Variants in SYTL3 observed in about 807,000 individuals in gnomAD.
SYTL3 encodes synaptotagmin-like protein 3.
Under a neutral mutation model 82.1 loss-of-function variants are expected in SYTL3, and 88 were observed. The observed-to-expected ratio is 1.07, with a 90% CI of 0.90 to 1.28. The LOEUF is 1.28. Ranked by LOEUF, SYTL3 falls within the 50% of genes most tolerant of loss-of-function variation. SYTL3 has a pLI of 0.00. For missense variants in SYTL3, 831 were observed against 757.6 expected (o/e 1.10, Z -1.14); for synonymous variants, 311 against 289.4 (o/e 1.07, Z -0.76).
intron 6 of SYTL3, among the ~76,000 whole-genome samples, chr6:158,699,176 C>T (rs569991805): frequency 3.9e-5 from 6 of 152,284 alleles, no homozygotes; most frequent in South Asian, 2.1e-4. Context: ...CAGCCAGCTA[C>T]GAGCAACACG....
chr6:158,738,789 C>T (rs1280773133), intron 11 of SYTL3, among the ~76,000 whole-genome samples: 1 of 152,200 alleles, frequency 6.6e-6, no homozygotes, highest in Admixed American at 6.5e-5. Context: ...TACCAAGTAG[C>T]TGAGATGACA....
chr6:158,746,122 C>T (rs750086490), intron 12 of SYTL3, among the ~76,000 whole-genome samples: 69 of 152,116 alleles, frequency 4.5e-4, no homozygotes, highest in Non-Finnish European at 8.1e-4. Flanking sequence ...CAGCTCTCTT[C>T]GGGCCTCTTT....
chr6:158,746,453 A>ATTATTAT (rs1554263746), intron 12 of SYTL3, among the ~76,000 whole-genome samples: 4,972 of 99,362 alleles, frequency 0.05, 297 homozygotes, highest in African/African-American at 0.15. Flanking sequence ...AATAATAATA[A>ATTATTAT]TAATAATATT....
chr6:158,698,260 G>A (rs1780775465), intron 6 of SYTL3, among the ~76,000 whole-genome samples: 1 of 151,978 alleles, frequency 6.6e-6, no homozygotes, highest in South Asian at 2.1e-4. Flanking sequence ...AGCTAGACGT[G>A]GTGGTGGGTA....
At chr6:158,741,425 A>G (rs1583443376) in intron 11 of SYTL3, among the ~76,000 whole-genome samples, 1 of 152,152 alleles carries the variant, frequency 6.6e-6, no homozygotes, top group Admixed American at 6.6e-5. Flanking sequence ...TGTCATGGAG[A>G]AGAATTGGGC....
chr6:158,691,893 G>C (rs200659544), intron 6 of SYTL3, among the ~76,000 whole-genome samples: 3 of 149,784 alleles, frequency 2.0e-5, no homozygotes, highest in East Asian at 2.0e-4. Flanking sequence ...CCTCGTGATC[G>C]GCCCGCCTCG....
chr6:158,645,010 A>T, the SYTL3 span, among the ~76,000 whole-genome samples: 1 of 152,158 alleles, frequency 6.6e-6, no homozygotes, highest in South Asian at 2.1e-4. Flanking sequence ...CACACGTACA[A>T]AAGGCAGTCC....
upstream of SYTL3, among the ~76,000 whole-genome samples, chr6:158,646,455 C>T (rs1478042471): frequency 6.6e-6 from 1 of 152,210 alleles, no homozygotes; most frequent in African/African-American, 2.4e-5. Flanking sequence ...TAGCTGTGAG[C>T]CACCATGCCC....
At chr6:158,694,396 A>T (rs1780341497) in intron 6 of SYTL3, among the ~76,000 whole-genome samples, 1 of 151,940 alleles carries the variant, frequency 6.6e-6, no homozygotes. Flanking sequence ...CCTAGGATCA[A>T]GCAATCCTCC....
intron 12 of SYTL3, 106 bp from the exon 13 acceptor site, chr6:158,751,822 G>C: frequency 1.2e-6 from 1 of 804,968 alleles, no homozygotes; most frequent in Non-Finnish European, 1.9e-6. Context: ...CCAGCAGGAA[G>C]CCTGGTAAAG....
At chr6:158,747,910 C>T (rs900878035) in intron 12 of SYTL3, among the ~76,000 whole-genome samples, 2 of 152,042 alleles carry the variant, frequency 1.3e-5, no homozygotes, top group African/African-American at 2.4e-5. Flanking sequence ...TTTATCCATC[C>T]TAGCTGTAAC....
At chr6:158,708,420 A>AG in intron 8 of SYTL3, 29 bp downstream of exon 8, 1 of 1,599,436 alleles carries the variant, frequency 6.3e-7, no homozygotes, top group South Asian at 1.1e-5. Flanking sequence ...GCACTTCTCT[A>AG]GTAGGGGTCA....
At chr6:158,674,858 G>A (rs1378672347) in intron 5 of SYTL3, among the ~76,000 whole-genome samples, 1 of 152,016 alleles carries the variant, frequency 6.6e-6, no homozygotes, top group Non-Finnish European at 1.5e-5. Flanking sequence ...TTCAAAATGG[G>A]TGTGTATCCT....
chr6:158,682,194 C>G (rs1267658346), intron 5 of SYTL3, among the ~76,000 whole-genome samples: 1 of 152,152 alleles, frequency 6.6e-6, no homozygotes, highest in Non-Finnish European at 1.5e-5. Context: ...CCACCTTGGC[C>G]TCCCAAAGTA....
chr6:158,749,886 G>T (rs983185847), intron 12 of SYTL3, among the ~76,000 whole-genome samples: 3 of 152,154 alleles, frequency 2.0e-5, no homozygotes, highest in African/African-American at 7.2e-5. Flanking sequence ...GATTGAATTG[G>T]TAATTTGGCA....
intron 7 of SYTL3, 61 bp downstream of exon 7, chr6:158,707,342 C>T: frequency 6.8e-7 from 1 of 1,464,566 alleles, no homozygotes. Context: ...AGAGGACACT[C>T]TGCAAGAACT....
At position 158,739,058 on chromosome 6, in the gene SYTL3, C is replaced by T. The variant is rs536526349; in HGVS notation, c.856-6422C>T. ...TCTGGCTCCCTGCAAAAGAAGGCGC[C>T]GTCTCTTCCTGCCCTTCTGTACATT... is the stretch of plus-strand genomic sequence containing the variant. On this transcript the variant is annotated intron_variant, in intron 11 of 17. Transcript: ENST00000611299. Among the ~76,000 whole-genome samples the T allele has an allele frequency of 7.7e-4, 117 of 152,326 alleles. 1 individual carries two copies. Among genetic ancestry groups the T allele is most frequent in the African/African-American group, 2.6e-3 (106 of 41,568 alleles).
chr6:158,668,385 C>T (rs921463012), intron 5 of SYTL3, among the ~76,000 whole-genome samples: 5 of 152,194 alleles, frequency 3.3e-5, no homozygotes, highest in Non-Finnish European at 5.9e-5. Context: ...CCTGCTGCCA[C>T]GCCTGGCTAA....
intron 2 of SYTL3, among the ~76,000 whole-genome samples, chr6:158,657,094 A>T (rs1788768826): frequency 6.6e-6 from 1 of 152,100 alleles, no homozygotes; most frequent in Non-Finnish European, 1.5e-5. Flanking sequence ...CTATAGGCTC[A>T]TTCAGTTTAC....
Sources: allele counts gnomAD v4.1 joint callset (sites outside exome capture counted in the v4.1 genomes callset), GRCh38; gene constraint gnomAD v4.1.1; transcripts MANE v1.5; gene names NCBI Gene and HGNC (gene_info 2026-07-23, HGNC 2026-07-21).